Variants in LMF1 observed in about 807,000 individuals in gnomAD.
LMF1 encodes the protein transmembrane protein 112.
In LMF1, 68 loss-of-function variants were observed where a neutral mutation model predicts 60.6. The observed-to-expected ratio is 1.12, with a 90% confidence interval of 0.92 to 1.37. The LOEUF is 1.37. Among genes scored for constraint, LMF1 ranks in the 40% most tolerant of loss-of-function variants. The pLI, the probability that LMF1 is intolerant of heterozygous loss-of-function variation, is 0.00. For missense variants in LMF1, 948 were observed against 767.2 expected, an observed-to-expected ratio of 1.24 and a Z score of -2.78; for synonymous variants, 418 against 324.7, an observed-to-expected ratio of 1.29 and a Z score of -3.09.
At chr16:856,995 G>A (rs2069203662) in intron 10 of LMF1, among the ~76,000 whole-genome samples, 1 of 152,246 alleles carries the variant, frequency 6.6e-6, no homozygotes, top group South Asian at 2.1e-4. Flanking sequence ...GTGATTTCAA[G>A]AACGTATGAT....
intron 4 of LMF1, among the ~76,000 whole-genome samples, chr16:902,960 C>T (rs2070861346): frequency 2.5e-5 from 2 of 79,076 alleles, no homozygotes; most frequent in East Asian, 7.4e-4. Flanking sequence ...TCTGCACTGC[C>T]CGTGGGGACG....
chr16:910,055 C>T (rs1198370177), intron 4 of LMF1, among the ~76,000 whole-genome samples: 1 of 152,250 alleles, frequency 6.6e-6, no homozygotes, highest in Non-Finnish European at 1.5e-5. Context: ...AAGATTTTAT[C>T]ATTCCAGCCC....
chr16:900,149 T>G (rs1452859127), intron 4 of LMF1: 1 of 152,276 alleles, frequency 6.6e-6, no homozygotes, highest in East Asian at 1.9e-4. Context: ...CTAAGGCTTC[T>G]GTAACATCCC....
rs147150354 is a variant in LMF1, at chr16:962,943, G to A, written c.193+7845C>T. The stretch of plus-strand genomic sequence containing the variant: ...GGAGCAGGGCCACAGGCAGAGCACC[G>A]CAGGGCCCTGGGCGACGAAAGGGTC... On this transcript the variant is annotated intron_variant, in intron 1 of 10. Transcript: ENST00000262301. The surrounding 1 kb of genome is among the most constrained non-coding windows in gnomAD (Gnocchi z 4.5). Among the ~76,000 whole-genome samples the A allele has an allele frequency of 2.0e-5, 3 of 152,280 alleles. No homozygotes were observed. The highest frequency in any genetic ancestry group is 1.9e-4 in the East Asian group (1 of 5,190).
intron 3 of LMF1, 56 bp downstream of exon 3, chr16:934,188 A>C: frequency 6.3e-7 from 1 of 1,599,074 alleles, no homozygotes; most frequent in Non-Finnish European, 8.5e-7. Flanking sequence ...GAAGATACAT[A>C]CCAAACACAC....
At position 878,156 on chromosome 16, in the gene LMF1, G is replaced by A. The variant is rs148253543; in HGVS notation, c.897+1414C>T. Among the ~76,000 whole-genome samples, 10 of 152,220 alleles carry A rather than the reference G, an allele frequency of 6.6e-5. No individual in the cohort carries two copies. Among genetic ancestry groups the A allele is most frequent in the Admixed American group, 2.0e-4 (3 of 15,286 alleles). On this transcript the variant is annotated intron_variant, in intron 6 of 10. Coordinates refer to ENST00000262301, the MANE Select transcript of LMF1 (RefSeq NM_022773.4). The surrounding 1 kb of genome is among the most constrained non-coding windows in gnomAD (Gnocchi z 5.2). ...AGCCCCCAAACACGCGTGGGGTCCGGCTACATGGAACCGACTGAAGCTATT... is the reference window on the plus strand; with the variant it reads ...AGCCCCCAAACACGCGTGGGGTCCGACTACATGGAACCGACTGAAGCTATT...
At chr16:926,000 T>G (rs2071585783) in intron 3 of LMF1, among the ~76,000 whole-genome samples, 1 of 152,102 alleles carries the variant, frequency 6.6e-6, no homozygotes, top group East Asian at 1.9e-4. Context: ...TCTGTATGCA[T>G]GCATGCATGT....
chr16:953,899 G>A (rs1297015181), intron 2 of LMF1, among the ~76,000 whole-genome samples: 1 of 58,164 alleles, frequency 1.7e-5, no homozygotes, highest in Non-Finnish European at 3.6e-5. Context: ...CCTCCTACAC[G>A]TCCACACAGA....
intron 6 of LMF1, chr16:873,698 G>A (rs2069880213): frequency 1.3e-5 from 2 of 152,084 alleles, no homozygotes; most frequent in Admixed American, 1.3e-4. Context: ...GTTCCAGGTG[G>A]GCACTCTGGT....
At chr16:951,995 G>A (rs895705531) in intron 2 of LMF1, among the ~76,000 whole-genome samples, 1 of 151,802 alleles carries the variant, frequency 6.6e-6, no homozygotes, top group African/African-American at 2.4e-5. Context: ...ACTCCCGTGA[G>A]AGCGCCTGAC....
chr16:971,351 G>A (rs1444094574), upstream of LMF1, among the ~76,000 whole-genome samples: 3 of 152,248 alleles, frequency 2.0e-5, no homozygotes, highest in Admixed American at 6.5e-5. Flanking sequence ...CTTCCCAGCT[G>A]TGGTCCTGGG....
At chr16:955,645 G>A (rs1434714733) in intron 1 of LMF1, among the ~76,000 whole-genome samples, 1 of 152,198 alleles carries the variant, frequency 6.6e-6, no homozygotes, top group Non-Finnish European at 1.5e-5. Flanking sequence ...AAGCAAACTA[G>A]ATGCTTGTAT....
At chr16:864,489 A>G (rs185854811) in intron 10 of LMF1, among the ~76,000 whole-genome samples, 273 of 152,272 alleles carry the variant, frequency 1.8e-3, no homozygotes, top group Middle Eastern at 3.4e-3. Context: ...GTGCTAGGTG[A>G]TTTTGCCCAG....
chr16:951,117 ATGACAGAGTCAGC>A (rs2072452562), intron 2 of LMF1, among the ~76,000 whole-genome samples: 5 of 61,254 alleles, frequency 8.2e-5, no homozygotes, highest in South Asian at 9.1e-4. Context: ...GAGTCAGCCA[ATGACAGAGTCAGC>A]CGACAGAGTC....
chr16:975,803 T>C (rs1197804248), upstream of LMF1: 3 of 453,954 alleles, frequency 6.6e-6, no homozygotes, highest in Non-Finnish European at 1.3e-5. Context: ...TTGGCACTAA[T>C]GGGTCTCTGG....
At position 933,907 on chromosome 16, in the gene LMF1, G is replaced by A. The variant is rs144265545; in HGVS notation, c.514+337C>T. ...GAGCACCGTGAACCTTCTCTATGCC[G>A]AGGGGCACACAGCCTTGAGCGTCCA... On this transcript the variant is annotated intron_variant, in intron 3 of 10. Coordinates refer to ENST00000262301, the MANE Select transcript of LMF1 (RefSeq NM_022773.4). 9,856 of 1,266,146 alleles carry A rather than the reference G, an allele frequency of 7.8e-3. 43 individuals are homozygous for A. The highest frequency in any genetic ancestry group is 0.011 in the Middle Eastern group (34 of 3,158). The allele number at this position is 1,266,146 out of a possible 1,614,324, so 78.4% of individuals were successfully genotyped here. A position where few individuals can be genotyped will look rare whatever the true frequency, so the allele number is the denominator to read the frequency against.
At chr16:898,806 A>G (rs1041930082) in intron 4 of LMF1, among the ~76,000 whole-genome samples, 4 of 152,194 alleles carry the variant, frequency 2.6e-5, no homozygotes, top group African/African-American at 9.7e-5. Flanking sequence ...TGCTGTGATC[A>G]CGGTTTTAAC....
At chr16:944,719 C>T (rs981581083) in intron 2 of LMF1, among the ~76,000 whole-genome samples, 6 of 152,182 alleles carry the variant, frequency 3.9e-5, no homozygotes, top group African/African-American at 1.2e-4. Flanking sequence ...GTGAGACGTC[C>T]TCTCCCTCAA....
At chr16:902,552 G>A (rs57588145) in intron 4 of LMF1, 54,509 of 162,468 alleles carry the variant, frequency 0.34, 11,690 homozygotes, top group African/African-American at 0.6. Context: ...AGGGAAGGCC[G>A]AGGACAGTCT....
Sources: gnomAD v4.1 joint callset for allele counts (sites outside exome capture counted in the v4.1 genomes callset) on GRCh38, gnomAD v4.1.1 for gene constraint, Gnocchi (gnomAD v3.1) non-coding constraint, MANE v1.5 for transcripts, NCBI Gene and HGNC (gene_info 2026-07-23, HGNC 2026-07-21) for gene names.